Variants in ZNF724 observed in about 807,000 individuals in gnomAD.
ZNF724 encodes the protein zinc finger protein 724.
ZNF724 carries 14 observed loss-of-function variants against 29.3 expected under a neutral mutation model. The ratio of observed to expected loss-of-function variants is 0.48; its 90% CI spans 0.32 to 0.75. The LOEUF is 0.75. ZNF724 is among the 30% of genes least tolerant of loss of function. ZNF724 has a pLI of 0.04. For missense variants in ZNF724, 557 were observed against 571.2 expected, an observed-to-expected ratio of 0.98 and a Z score of 0.25; for synonymous variants, 180 against 193.6, an observed-to-expected ratio of 0.93 and a Z score of 0.58.
At chr19:23,242,130 C>T (rs1471083573) in intron 1 of ZNF724, among the ~76,000 whole-genome samples, 1 of 152,058 alleles carries the variant, frequency 6.6e-6, no homozygotes, top group Admixed American at 6.6e-5. Context: ...TCAAAAATGC[C>T]ACAAAAAGAA....
rs557588520 is a variant in ZNF724, at chr19:23,222,369, G to A, written c.*16C>T. 65 of 979,288 alleles carry A rather than the reference G, an allele frequency of 6.6e-5. No individual in the cohort carries two copies. The highest frequency in any genetic ancestry group is 2.2e-4 in the Admixed American group (11 of 50,524). The allele number at this position is 979,288 out of a possible 1,614,324, so 60.7% of individuals were successfully genotyped here. A position where few individuals can be genotyped will look rare whatever the true frequency, so the allele number is the denominator to read the frequency against. On this transcript the variant is annotated 3_prime_UTR_variant, in exon 4 of 4. Coordinates refer to ENST00000418100, the MANE Select transcript of ZNF724 (RefSeq NM_001355404.2). ...TGGGATTACAGGTGTGAGCCACCAC[G>A]CCTGGTCCATTTTTCTTATTTGTCA...
At chr19:23,240,672 A>C (rs1238454955) in intron 1 of ZNF724, among the ~76,000 whole-genome samples, 1 of 150,442 alleles carries the variant, frequency 6.6e-6, no homozygotes, top group Non-Finnish European at 1.5e-5. Context: ...GTAATCTGAG[A>C]TCATTCCACC....
chr19:23,247,408 A>G (rs1308970223), intron 1 of ZNF724, among the ~76,000 whole-genome samples: 10 of 151,772 alleles, frequency 6.6e-5, no homozygotes, highest in Admixed American at 6.6e-4. Context: ...ACAGTTTAAA[A>G]GAGTCAATAT....
chr19:23,230,013 G>A (rs1379878581), intron 3 of ZNF724, among the ~76,000 whole-genome samples: 2 of 151,744 alleles, frequency 1.3e-5, no homozygotes, highest in Admixed American at 1.3e-4. Context: ...CATTTAAACA[G>A]GTCTAAACTA....
At chr19:23,246,284 A>AT (rs1288909444) in intron 1 of ZNF724, among the ~76,000 whole-genome samples, 5 of 152,088 alleles carry the variant, frequency 3.3e-5, no homozygotes, top group Non-Finnish European at 7.3e-5. Context: ...TAAATACTTT[A>AT]TTATCTCCAT....
At chr19:23,248,637 G>A (rs901284641) in intron 1 of ZNF724, among the ~76,000 whole-genome samples, 30 of 148,772 alleles carry the variant, frequency 2.0e-4, no homozygotes, top group South Asian at 1.3e-3. Context: ...AGGCTTAACC[G>A]ACTATAAACT....
Position 23,224,783 on chromosome 19 carries a change from C to T in ZNF724, c.227-765G>A, listed in dbSNP as rs192263938. ...CACCCCGGCCAATATGGCGAAACCC[C>T]GTCTCTACTAAAAACACAAAAATTA... On this transcript the variant is annotated intron_variant, in intron 3 of 3. Transcript: ENST00000418100. Among the ~76,000 whole-genome samples the T allele has an allele frequency of 3.9e-3, 589 of 152,140 alleles. 2 individuals are homozygous for T. The highest frequency in any genetic ancestry group is 0.012 in the African/African-American group (507 of 41,514).
At chr19:23,233,921 C>T (rs566713310) in intron 1 of ZNF724, among the ~76,000 whole-genome samples, 2 of 152,218 alleles carry the variant, frequency 1.3e-5, no homozygotes, top group Admixed American at 6.5e-5. Flanking sequence ...CATGCTACGA[C>T]CACACCCACA....
chr19:23,231,104 A>G, intron 3 of ZNF724, 162 bp downstream of exon 3: 1 of 490,032 alleles, frequency 2.0e-6, no homozygotes, highest in Non-Finnish European at 3.4e-6. Context: ...GCTGGTCTCG[A>G]ACACCCGACC....
intron 3 of ZNF724, chr19:23,230,827 A>G (rs1971922271): frequency 6.6e-6 from 1 of 152,344 alleles, no homozygotes; most frequent in Admixed American, 6.5e-5. Context: ...TTATTTTCCC[A>G]GAAACTATTT....
intron 1 of ZNF724, among the ~76,000 whole-genome samples, chr19:23,243,037 C>A (rs1223344792): frequency 5.4e-5 from 2 of 36,820 alleles, no homozygotes; most frequent in East Asian, 7.9e-4. Context: ...AAAACTCCAT[C>A]TCAAAAAAAA....
chr19:23,230,585 A>C (rs1971918933), intron 3 of ZNF724, among the ~76,000 whole-genome samples: 1 of 152,204 alleles, frequency 6.6e-6, no homozygotes, highest in Non-Finnish European at 1.5e-5. Flanking sequence ...ATGATGTAGA[A>C]AGAAAACTTA....
intron 1 of ZNF724, among the ~76,000 whole-genome samples, chr19:23,240,905 T>G (rs1404630750): frequency 6.6e-6 from 1 of 151,928 alleles, no homozygotes; most frequent in Non-Finnish European, 1.5e-5. Context: ...TGGCGGCATA[T>G]GCCTGTAATC....
At chr19:23,243,806 C>T (rs1366243800) in intron 1 of ZNF724, among the ~76,000 whole-genome samples, 1 of 151,530 alleles carries the variant, frequency 6.6e-6, no homozygotes, top group African/African-American at 2.4e-5. Flanking sequence ...ACCTGTAATC[C>T]CAACTACTTG....
chr19:23,224,146 T>TA, intron 3 of ZNF724, 128 bp from the exon 4 acceptor site: 1 of 527,996 alleles, frequency 1.9e-6, no homozygotes, highest in Non-Finnish European at 3.3e-6. Context: ...GCATGGTAGC[T>TA]AATGCCTGTA....
chr19:23,243,475 CAA>C (rs61241201), intron 1 of ZNF724, among the ~76,000 whole-genome samples: 8 of 31,218 alleles, frequency 2.6e-4, no homozygotes, highest in African/African-American at 1.1e-3. Context: ...GAGTCCATCT[CAA>C]AAAAAAAAAA....
intron 1 of ZNF724, among the ~76,000 whole-genome samples, chr19:23,243,475 C>CAAAAAAAAAAAAAA (rs61241201): frequency 7.1e-4 from 22 of 31,180 alleles, no homozygotes; most frequent in African/African-American, 9.2e-4. Flanking sequence ...GAGTCCATCT[C>CAAAAAAAAAAAAAA]AAAAAAAAAA....
rs1189364950 is a variant in ZNF724, at chr19:23,222,762, T to C, written c.1483A>G (p.Thr495Ala). 7.1e-7 allele frequency: 1 copy of C among 1,406,716 alleles called. No homozygotes were observed. 87.1% of individuals were successfully genotyped at this position (1,406,716 alleles called of 1,614,324 possible). A position where few individuals can be genotyped will look rare whatever the true frequency, so the allele number is the denominator to read the frequency against. Reference protein sequence around the residue: ...KAFNLSSHLTTHKKIHTGEKP... With the variant: ...KAFNLSSHLTAHKKIHTGEKP... ...TCTCCAGTATGAATTTTCTTATGTGTTGTAAGGTGTGAGGATAGGTTAAAA... is the reference window on the plus strand; with the variant it reads ...TCTCCAGTATGAATTTTCTTATGTGCTGTAAGGTGTGAGGATAGGTTAAAA... Residue 495 changes from threonine to alanine, a missense_variant, in exon 4 of 4, where the codon ACA becomes GCA. Thr to Ala is a moderately conservative substitution (Grantham distance 58). Around this residue, in one of 3 missense-constraint regions of ZNF724, gnomAD observed 170 missense variants for 220.7 expected, o/e 0.77. Transcript: ENST00000418100.
chr19:23,222,473 T>G lies in ZNF724; in HGVS notation c.1772A>C (p.Lys591Thr). ...AAAAGCTTTGCCACATTCTTTACAT[T>G]TGTAGGGTTTCTCTCCAGTATGAAT... ...KVIHTGEKPY[K>T]CKECGKAFNQ... Residue 591 changes from lysine (K) to threonine (T), a missense_variant, in exon 4 of 4, where the codon AAA becomes ACA. Lys to Thr is a moderately conservative substitution (Grantham distance 78). Transcript: ENST00000418100. 2 of 1,301,398 alleles carry G rather than the reference T, an allele frequency of 1.5e-6. No homozygotes were observed. Among genetic ancestry groups the G allele is most frequent in the South Asian group, 2.4e-5 (2 of 84,420 alleles). 80.6% of individuals were successfully genotyped at this position (1,301,398 alleles called of 1,614,324 possible).
Sources: gnomAD v4.1 joint callset for allele counts (sites outside exome capture counted in the v4.1 genomes callset) on GRCh38, gnomAD v4.1.1 for gene constraint, gnomAD v4.1.1 regional missense constraint, MANE v1.5 for transcripts, NCBI Gene and HGNC (gene_info 2026-07-23, HGNC 2026-07-21) for gene names.